The following KCNC4 variants were observed in gnomAD, a reference collection of about 807,000 sequenced individuals.
The protein encoded by KCNC4 is voltage-gated potassium channel KCNC4.
A neutral mutation model predicts 42.8 loss-of-function variants in KCNC4; 23 were observed. The ratio of observed to expected loss-of-function variants is 0.54; its 90% CI spans 0.39 to 0.76. The LOEUF (loss-of-function observed/expected upper bound fraction) is 0.76, where lower values mean the gene tolerates loss of function less well. KCNC4 is among the 30% of genes least tolerant of loss of function. The probability of loss-of-function intolerance (pLI) is 0.00; values close to 1 mark genes in which losing one functional copy is unlikely to be tolerated. For missense variants in KCNC4, 751 were observed against 898.2 expected, an observed-to-expected ratio of 0.84 and a Z score of 2.10; for synonymous variants, 422 against 393.5, an observed-to-expected ratio of 1.07 and a Z score of -0.86.
intron 3 of KCNC4, among the ~76,000 whole-genome samples, chr1:110,231,142 A>G (rs1658669139): frequency 6.6e-6 from 1 of 152,172 alleles, no homozygotes; most frequent in Non-Finnish European, 1.5e-5. Context: ...CCTAGAGACC[A>G]ATTTTCAGGG....
At chr1:110,215,362 C>T (rs918987497) in intron 1 of KCNC4, among the ~76,000 whole-genome samples, 8 of 152,148 alleles carry the variant, frequency 5.3e-5, no homozygotes, top group African/African-American at 1.4e-4. Context: ...GAAGGCTCAC[C>T]GTGGAGACTT....
chr1:110,213,170 TAAAAAAAAAAAAAA>T (rs760587471), intron 1 of KCNC4, among the ~76,000 whole-genome samples: 1 of 50,850 alleles, frequency 2.0e-5, no homozygotes, highest in South Asian at 1.1e-3. Context: ...CTTCGACAGC[TAAAAAAAAAAAAAA>T]AAAAAAAAAA....
At chr1:110,283,734 G>C (rs148230353), downstream of KCNC4, among the ~76,000 whole-genome samples, 158 of 152,282 alleles carry the variant, frequency 1.0e-3, no homozygotes, top group African/African-American at 3.7e-3. Context: ...GCATCATTTA[G>C]AGTGGGTCTT....
chr1:110,260,871 A>G (rs1213247044), intron 1 of KCNC4, among the ~76,000 whole-genome samples: 1 of 152,258 alleles, frequency 6.6e-6, no homozygotes, highest in Non-Finnish European at 1.5e-5. Context: ...CGGAGCTTGC[A>G]GTGAGCCGAG....
At chr1:110,270,188 C>A (rs556657679) in intron 1 of KCNC4, among the ~76,000 whole-genome samples, 22 of 152,186 alleles carry the variant, frequency 1.4e-4, no homozygotes, top group Non-Finnish European at 2.9e-4. Context: ...TCTGTCCTCA[C>A]CCCTTGTTGA....
chr1:110,211,428 T>C lies in KCNC4; in HGVS notation c.-72T>C. 1 of 1,508,120 alleles carries C rather than the reference T, an allele frequency of 6.6e-7. No individual in the cohort carries two copies. The highest frequency in any genetic ancestry group is 1.4e-5 in the African/African-American group (1 of 72,282). The allele number at this position is 1,508,120 out of a possible 1,614,324, so 93.4% of individuals were successfully genotyped here. ...CTTCGTCTCCTCCCCCTCCCCCGTC[T>C]GACGCTGCCTCCTCGGGAAGGGTGT... is the stretch of plus-strand genomic sequence containing the variant. On this transcript the variant is annotated 5_prime_UTR_variant, in exon 1 of 4. Transcript: ENST00000438661. This position sits in a 1 kb window ranked among gnomAD's most constrained non-coding sequence, Gnocchi z 6.5.
intron 3 of KCNC4, among the ~76,000 whole-genome samples, chr1:110,230,606 T>G (rs1176120397): frequency 6.6e-6 from 1 of 152,170 alleles, no homozygotes; most frequent in Non-Finnish European, 1.5e-5. Flanking sequence ...TGGGTCTGGC[T>G]CATGGCACCC....
chr1:110,256,455 A>G (rs1383457647), intron 1 of KCNC4, among the ~76,000 whole-genome samples: 1 of 152,238 alleles, frequency 6.6e-6, no homozygotes, highest in African/African-American at 2.4e-5. Context: ...CTTGTAGTGG[A>G]GCAAGGCCAA....
In KCNC4 at chr1:110,233,291, C is replaced by G. The variant is rs1408062793; in HGVS notation, c.*319C>G. 2 of 428,948 alleles carry G rather than the reference C, an allele frequency of 4.7e-6. No homozygotes were observed. Among genetic ancestry groups the G allele is most frequent in the Non-Finnish European group, 8.4e-6 (2 of 239,292 alleles). The allele number at this position is 428,948 out of a possible 1,614,324, so 26.6% of individuals were successfully genotyped here. On this transcript the variant is annotated 3_prime_UTR_variant, in exon 4 of 4. Coordinates refer to ENST00000438661, the MANE Select transcript of KCNC4 (RefSeq NM_001039574.3). The stretch of plus-strand genomic sequence containing the variant: ...GTGTCTCCCTAAGCCCTTGCCCCAC[C>G]CAGAGTTTCCCGTCCCCTTCACTGA...
chr1:110,262,676 T>C (rs1659475586), intron 1 of KCNC4, among the ~76,000 whole-genome samples: 1 of 152,192 alleles, frequency 6.6e-6, no homozygotes, highest in South Asian at 2.1e-4. Context: ...CTATCAACCT[T>C]GTCAAACCCA....
chr1:110,226,365 A>G lies in KCNC4; in HGVS notation c.1819+187A>G, dbSNP rs1459647152. On this transcript the variant is annotated intron_variant, in intron 3 of 3. Transcript: ENST00000438661. ...TCCCTGGATTAGAAAGGTCTTCTCC[A>G]TCTCAGAAGGGCACACGGCTCCCAT... 37 of 628,616 alleles carry G rather than the reference A, an allele frequency of 5.9e-5. No homozygotes were observed. The East Asian group carries it at 7.2e-4, about 12-fold the overall frequency. 38.9% of individuals were successfully genotyped at this position (628,616 alleles called of 1,614,324 possible). A position where few individuals can be genotyped will look rare whatever the true frequency, so the allele number is the denominator to read the frequency against.
rs773981979 is a variant in KCNC4, at chr1:110,223,299, G to A, written c.1014G>A (p.Ala338=). 1.4e-5 allele frequency: 22 copies of A among 1,614,028 alleles called. No homozygotes were observed. In the Admixed American group the frequency reaches 1.7e-4, roughly 12 times the overall value. ...EVGLSGLSSK[A]ARDVLGFLRV... ...GGCTGAGCGGCCTGTCATCCAAGGCGGCCCGCGACGTGCTGGGCTTCCTGC... is the reference window on the plus strand; with the variant it reads ...GGCTGAGCGGCCTGTCATCCAAGGCAGCCCGCGACGTGCTGGGCTTCCTGC... Residue 338 remains alanine, a synonymous_variant, in exon 2 of 4, where the codon GCG becomes GCA. Coordinates refer to ENST00000438661, the MANE Select transcript of KCNC4 (RefSeq NM_001039574.3). The surrounding 1 kb of genome is among the most constrained non-coding windows in gnomAD (Gnocchi z 7.5).
At chr1:110,215,381 CAG>C (rs1295250680) in intron 1 of KCNC4, among the ~76,000 whole-genome samples, 3 of 152,186 alleles carry the variant, frequency 2.0e-5, no homozygotes, top group Non-Finnish European at 4.4e-5. Context: ...TTCACAGCCT[CAG>C]GGGGCCCAGT....
intron 1 of KCNC4, among the ~76,000 whole-genome samples, chr1:110,276,784 C>T (rs1659734511): frequency 6.6e-6 from 1 of 152,230 alleles, no homozygotes; most frequent in East Asian, 1.9e-4. Context: ...TAGAACAGCC[C>T]CAGGAGCTTA....
At chr1:110,234,276 G>C (rs558086198), downstream of KCNC4, 6 of 152,254 alleles carry the variant, frequency 3.9e-5, no homozygotes, top group African/African-American at 1.4e-4. Context: ...CCCAAACAGT[G>C]TTCTAATATC....
At chr1:110,259,894 T>G (rs1417217994) in intron 1 of KCNC4, among the ~76,000 whole-genome samples, 1 of 152,204 alleles carries the variant, frequency 6.6e-6, no homozygotes, top group African/African-American at 2.4e-5. Context: ...GGTGCCTTTT[T>G]GTGTGATTGC....
exon 4 of KCNC4, chr1:110,243,811 A>G (rs1255187940): frequency 6.6e-6 from 1 of 152,130 alleles, no homozygotes; most frequent in East Asian, 1.9e-4. Context: ...AGCTGGGCAA[A>G]CCCCAAACGC....
chr1:110,218,450 A>G (rs542652596), intron 1 of KCNC4, among the ~76,000 whole-genome samples: 5 of 151,930 alleles, frequency 3.3e-5, no homozygotes, highest in Non-Finnish European at 7.4e-5. Context: ...TGACCTCTCT[A>G]TTGGAAACAA....
At chr1:110,227,950 C>G (rs1004564365) in intron 3 of KCNC4, among the ~76,000 whole-genome samples, 2 of 152,148 alleles carry the variant, frequency 1.3e-5, no homozygotes, top group African/African-American at 4.8e-5. Context: ...GCTCTGTTTT[C>G]AAGATGCCTC....
Sources: allele counts gnomAD v4.1 joint callset (sites outside exome capture counted in the v4.1 genomes callset), GRCh38; gene constraint gnomAD v4.1.1; non-coding constraint Gnocchi (gnomAD v3.1); transcripts MANE v1.5; gene names NCBI Gene and HGNC (gene_info 2026-07-23, HGNC 2026-07-21).